The following NRG3 variants were observed in gnomAD, a reference collection of about 807,000 sequenced individuals.
NRG3 encodes the protein neuregulin 3.
Under a neutral mutation model 66.9 loss-of-function variants are expected in NRG3, and 31 were observed. The ratio of observed to expected loss-of-function variants is 0.46; its 90% CI spans 0.35 to 0.63. The LOEUF is 0.63. NRG3 is among the 20% of genes least tolerant of loss of function. The probability of loss-of-function intolerance (pLI) is 0.00; values close to 1 mark genes in which losing one functional copy is unlikely to be tolerated. For missense variants in NRG3, 910 were observed against 878.9 expected, an observed-to-expected ratio of 1.04 and a Z score of -0.45; for synonymous variants, 393 against 359.4, an observed-to-expected ratio of 1.09 and a Z score of -1.06.
At chr10:82,467,129 C>T (rs557632958) in intron 2 of NRG3, among the ~76,000 whole-genome samples, 1 of 152,234 alleles carries the variant, frequency 6.6e-6, no homozygotes, top group African/African-American at 2.4e-5. Flanking sequence ...TGTGAAGGAG[C>T]CCTGTAAACA....
intron 2 of NRG3, among the ~76,000 whole-genome samples, chr10:82,677,625 G>C (rs1169624889): frequency 6.6e-6 from 1 of 151,884 alleles, no homozygotes; most frequent in Admixed American, 6.6e-5. Flanking sequence ...AGAACTATTA[G>C]CAGGGGCAAA....
At chr10:82,349,503 T>G (rs1210714994) in intron 1 of NRG3, among the ~76,000 whole-genome samples, 10 of 151,860 alleles carry the variant, frequency 6.6e-5, no homozygotes, top group Non-Finnish European at 1.5e-4. Context: ...CTGCAGAGGT[T>G]ACTGCTGTCT....
intron 2 of NRG3, among the ~76,000 whole-genome samples, chr10:82,444,073 A>G (rs1165103106): frequency 2.0e-5 from 3 of 152,202 alleles, no homozygotes; most frequent in African/African-American, 7.2e-5. Flanking sequence ...ATAAATTAAC[A>G]TGTTCATTCT....
chr10:82,755,438 C>T (rs1439880178), intron 3 of NRG3, among the ~76,000 whole-genome samples: 5 of 152,060 alleles, frequency 3.3e-5, no homozygotes, highest in African/African-American at 1.2e-4. Context: ...TTTATCTCAG[C>T]CTCTCTGCCC....
chr10:82,264,919 A>G (rs2078218518), intron 1 of NRG3, among the ~76,000 whole-genome samples: 1 of 152,168 alleles, frequency 6.6e-6, no homozygotes. Context: ...GCCAGTGAGT[A>G]CAAACAAGTC....
intron 2 of NRG3, among the ~76,000 whole-genome samples, chr10:82,601,297 T>A (rs1010376168): frequency 6.6e-6 from 1 of 152,210 alleles, no homozygotes; most frequent in Non-Finnish European, 1.5e-5. Flanking sequence ...TAGTTAACAT[T>A]GTGTCATCAG....
intron 1 of NRG3, among the ~76,000 whole-genome samples, chr10:81,934,545 G>A (rs1437874799): frequency 2.0e-5 from 3 of 152,078 alleles, no homozygotes; most frequent in Non-Finnish European, 2.9e-5. Context: ...TTTTGAGGAT[G>A]GCAAATCTAT....
intron 2 of NRG3, among the ~76,000 whole-genome samples, chr10:82,720,810 C>CATACATATATATATAT: frequency 8.7e-6 from 1 of 114,744 alleles, no homozygotes; most frequent in African/African-American, 4.4e-5. Context: ...GTATTTTATA[C>CATACATATATATATAT]ATATATATAT....
At chr10:81,933,212 T>C (rs564975778) in intron 1 of NRG3, among the ~76,000 whole-genome samples, 1 of 152,174 alleles carries the variant, frequency 6.6e-6, no homozygotes, top group African/African-American at 2.4e-5. Context: ...AAGGGTGGAC[T>C]GAAGCTAGCA....
intron 2 of NRG3, among the ~76,000 whole-genome samples, chr10:82,684,376 T>A (rs2054341793): frequency 6.6e-6 from 1 of 152,178 alleles, no homozygotes; most frequent in Admixed American, 6.5e-5. Context: ...TTTTGAAAAA[T>A]ATTTTAAATT....
intron 4 of NRG3, among the ~76,000 whole-genome samples, chr10:82,907,337 G>T (rs1160461826): frequency 5.9e-5 from 9 of 152,154 alleles, no homozygotes. Context: ...CTGTGGAGTT[G>T]AAGCTATATT....
chr10:82,298,790 A>G (rs984276217), intron 1 of NRG3, among the ~76,000 whole-genome samples: 3 of 152,134 alleles, frequency 2.0e-5, no homozygotes, highest in Non-Finnish European at 4.4e-5. Flanking sequence ...CCACTCTGGG[A>G]TATGATATAG....
intron 2 of NRG3, among the ~76,000 whole-genome samples, chr10:82,611,703 A>G (rs920830267): frequency 1.3e-5 from 2 of 152,140 alleles, no homozygotes. Context: ...AGTCTTTGCT[A>G]TTGTGAATAG....
chr10:82,072,230 C>T (rs751972413), intron 1 of NRG3, among the ~76,000 whole-genome samples: 1 of 152,186 alleles, frequency 6.6e-6, no homozygotes, highest in African/African-American at 2.4e-5. Flanking sequence ...GCCAACAGGA[C>T]TTTCTGAAAG....
chr10:81,955,845 C>A (rs1192003805), intron 1 of NRG3, among the ~76,000 whole-genome samples: 1 of 152,178 alleles, frequency 6.6e-6, no homozygotes, highest in African/African-American at 2.4e-5. Context: ...AAACTCTGCA[C>A]TCATTTATCC....
At chr10:82,083,647 T>C (rs1429432049) in intron 1 of NRG3, among the ~76,000 whole-genome samples, 1 of 149,020 alleles carries the variant, frequency 6.7e-6, no homozygotes, top group Admixed American at 6.8e-5. Context: ...CAGGCTGGAG[T>C]CCAATGGTGC....
chr10:82,357,500 A>G (rs1356109079), intron 1 of NRG3, among the ~76,000 whole-genome samples: 2 of 152,124 alleles, frequency 1.3e-5, no homozygotes, highest in Non-Finnish European at 2.9e-5. Context: ...GCAGTTTTGG[A>G]GGCTGGGAAG....
chr10:82,033,449 C>T (rs1418176047), intron 1 of NRG3, among the ~76,000 whole-genome samples: 2 of 152,126 alleles, frequency 1.3e-5, no homozygotes, highest in Non-Finnish European at 2.9e-5. Context: ...CCCTCTACCT[C>T]TCAAAATAGC....
rs1450923218 is a variant in NRG3, at chr10:82,715,915, A to G, written c.954-22662A>G. Among the ~76,000 whole-genome samples the G allele has an allele frequency of 2.0e-5, 3 of 152,230 alleles. No homozygotes were observed. The East Asian group carries it at 5.8e-4, about 30-fold the overall frequency. The stretch of plus-strand genomic sequence containing the variant: ...CCTTGTATCCTCACATGGCAAAAAG[A>G]CAGGGGGCTAGCTCTCTAGCCTCTT... On this transcript the variant is annotated intron_variant, in intron 2 of 8. Transcript: ENST00000372141.
Sources: gnomAD v4.1 joint callset for allele counts (sites outside exome capture counted in the v4.1 genomes callset) on GRCh38, gnomAD v4.1.1 for gene constraint, MANE v1.5 for transcripts, NCBI Gene and HGNC (gene_info 2026-07-23, HGNC 2026-07-21) for gene names.